DOCK4: variants seen among roughly 807,000 people sequenced by gnomAD.
DOCK4 encodes dedicator of cytokinesis 4, also known as dedicator of cytokinesis protein 4.
In DOCK4, 97 loss-of-function variants were observed where a neutral mutation model predicts 268.1. The ratio of observed to expected loss-of-function variants is 0.36; its 90% CI spans 0.31 to 0.43. The LOEUF (loss-of-function observed/expected upper bound fraction) is 0.43. Among genes scored for constraint, DOCK4 ranks in the 20% least tolerant of loss-of-function variants. DOCK4 has a pLI of 1.00. For missense variants in DOCK4, 2,145 were observed against 2,455.7 expected (o/e 0.87, Z 2.67); for synonymous variants, 954 against 887.2 (o/e 1.08, Z -1.34).
chr7:111,739,102 G>T (rs547482522), intron 49 of DOCK4, 32 bp downstream of exon 49: 2 of 1,573,278 alleles, frequency 1.3e-6, no homozygotes, highest in Non-Finnish European at 1.7e-6. Context: ...AATTGTCCTT[G>T]TTTTCTAGTT....
chr7:112,115,826 A>C (rs575198055), intron 1 of DOCK4, among the ~76,000 whole-genome samples: 9 of 152,288 alleles, frequency 5.9e-5, no homozygotes, highest in African/African-American at 2.2e-4. Context: ...GACTACAGGT[A>C]CAAGTCAAAA....
At chr7:112,137,288 A>T (rs952367368) in intron 1 of DOCK4, among the ~76,000 whole-genome samples, 4 of 152,178 alleles carry the variant, frequency 2.6e-5, no homozygotes, top group Non-Finnish European at 4.4e-5. Context: ...CATCCCAGAG[A>T]GTTCCTCCAG....
At chr7:111,805,419 A>G (rs1354589263) in intron 30 of DOCK4, among the ~76,000 whole-genome samples, 2 of 152,240 alleles carry the variant, frequency 1.3e-5, no homozygotes, top group African/African-American at 4.8e-5. Flanking sequence ...ATAAAAGCAC[A>G]TTTAATACTA....
chr7:111,777,750 C>G (rs1798541508), intron 36 of DOCK4, among the ~76,000 whole-genome samples: 1 of 152,076 alleles, frequency 6.6e-6, no homozygotes, highest in Non-Finnish European at 1.5e-5. Context: ...CCATGCTGCT[C>G]TCATAATAGT....
chr7:111,948,444 C>G (rs1259890252), intron 8 of DOCK4, among the ~76,000 whole-genome samples: 3 of 152,194 alleles, frequency 2.0e-5, no homozygotes, highest in Non-Finnish European at 4.4e-5. Flanking sequence ...GCCTGACCCA[C>G]TCAGCAGTCA....
At chr7:111,867,667 G>A (rs1024692175) in intron 22 of DOCK4, among the ~76,000 whole-genome samples, 1 of 152,194 alleles carries the variant, frequency 6.6e-6, no homozygotes, top group South Asian at 2.1e-4. Flanking sequence ...ATTGGCCCTA[G>A]TGAAATTCCT....
intron 1 of DOCK4, among the ~76,000 whole-genome samples, chr7:112,105,058 G>C (rs1435397699): frequency 6.6e-6 from 1 of 152,092 alleles, no homozygotes; most frequent in Non-Finnish European, 1.5e-5. Flanking sequence ...GAAGATACTG[G>C]CCATTGTCAG....
At chr7:111,941,382 C>T (rs573507377) in intron 10 of DOCK4, among the ~76,000 whole-genome samples, 36 of 152,168 alleles carry the variant, frequency 2.4e-4, no homozygotes, top group Middle Eastern at 3.4e-3. Context: ...CCTACTTTTA[C>T]TTACACAACT....
chr7:111,855,464 G>A (rs1232661322), intron 23 of DOCK4, among the ~76,000 whole-genome samples: 1 of 152,280 alleles, frequency 6.6e-6, no homozygotes, highest in South Asian at 2.1e-4. Context: ...GAAAGACTAA[G>A]CTCAGAGAGA....
At chr7:111,884,268 G>C (rs1009135537) in intron 16 of DOCK4, among the ~76,000 whole-genome samples, 6 of 152,140 alleles carry the variant, frequency 3.9e-5, no homozygotes, top group African/African-American at 1.2e-4. Flanking sequence ...TGTGTGACAG[G>C]CACTGCTCTG....
intron 43 of DOCK4, among the ~76,000 whole-genome samples, chr7:111,746,919 G>A (rs796705028): frequency 1.3e-4 from 20 of 148,780 alleles, no homozygotes; most frequent in African/African-American, 5.0e-4. Context: ...GTGAGCCACT[G>A]AGCCCAGCCC....
At chr7:111,734,108 T>A (rs1267699180) in intron 51 of DOCK4, among the ~76,000 whole-genome samples, 1 of 152,098 alleles carries the variant, frequency 6.6e-6, no homozygotes, top group Non-Finnish European at 1.5e-5. Flanking sequence ...TGGCTAATTT[T>A]TGCATTTTTT....
At chr7:111,986,397 G>T (rs571506916) in intron 6 of DOCK4, among the ~76,000 whole-genome samples, 2 of 152,084 alleles carry the variant, frequency 1.3e-5, no homozygotes, top group Admixed American at 6.5e-5. Context: ...GCTTCCTGGC[G>T]TCCTGGTTAT....
rs10271865 is a variant in DOCK4 at position 111,847,497 on chromosome 7, T to C, written c.2474-371A>G. On this transcript the variant is annotated intron_variant, in intron 23 of 52. Transcript: ENST00000428084. Reference sequence around the variant, plus strand: ...TTGTTTTTTTTTTTCCCCCTTGATATAGTTTGGCTGTGTCCCCACCCAAAT... The same window carrying C: ...TTGTTTTTTTTTTTCCCCCTTGATACAGTTTGGCTGTGTCCCCACCCAAAT... 5.7e-3 allele frequency among the ~76,000 whole-genome samples: 872 copies of C among 152,102 alleles called. 12 individuals are homozygous for C. The highest frequency in any genetic ancestry group is 0.02 in the African/African-American group (825 of 41,510).
intron 1 of DOCK4, among the ~76,000 whole-genome samples, chr7:112,170,576 A>C (rs1404822483): frequency 6.6e-6 from 1 of 152,186 alleles, no homozygotes; most frequent in Non-Finnish European, 1.5e-5. Flanking sequence ...TTACATTCAT[A>C]ATGATGACCT....
At chr7:111,822,318 C>A in intron 27 of DOCK4, 44 bp downstream of exon 27, 1 of 1,516,378 alleles carries the variant, frequency 6.6e-7, no homozygotes, top group Non-Finnish European at 9.1e-7. Context: ...TCCCTTCTTC[C>A]TCTATACATT....
intron 1 of DOCK4, among the ~76,000 whole-genome samples, chr7:112,095,616 T>A (rs1419917208): frequency 6.6e-6 from 1 of 152,212 alleles, no homozygotes. Context: ...TAACTTGATA[T>A]ACTTGTATAA....
Position 111,728,591 on chromosome 7 carries a change from T to G in DOCK4, c.5611A>C (p.Thr1871Pro), listed in dbSNP as rs1585795342. 1 of 1,613,956 alleles carries G rather than the reference T, an allele frequency of 6.2e-7. No homozygotes were observed. Among genetic ancestry groups the G allele is most frequent in the South Asian group, 1.1e-5 (1 of 91,084 alleles). ...TTCACCTGATTTTCAAAGCCTGAGG[T>G]TTCCGACGTGCTGCACCGGCTGAGA... is the stretch of plus-strand genomic sequence containing the variant. ...SSLSRCSTSE[T>P]SGFENQVNEQ... The change falls in exon 53 of 53, where the codon ACC becomes CCC. Residue 1871 changes from threonine (T) to proline (P), a missense_variant. Thr to Pro is a conservative substitution (Grantham distance 38). This residue lies in a region of DOCK4 where 547 missense variants were observed against 469.0 expected (regional missense o/e 1.17). Coordinates refer to ENST00000428084, the MANE Select transcript of DOCK4 (RefSeq NM_001363540.2).
chr7:111,900,535 T>G lies in DOCK4; in HGVS notation c.1319A>C (p.Asp440Ala). The G allele has an allele frequency of 6.2e-7, 1 of 1,609,132 alleles. No homozygotes were observed. Among genetic ancestry groups the G allele is most frequent in the Non-Finnish European group, 8.5e-7 (1 of 1,177,928 alleles). The part of the protein sequence containing the change: ...IVDSSGQTLK[D>A]FISFGSGEPP... ...CTCCCCAGAGCCGAAGGAGATAAAA[T>G]CCTAACAAAGGGAAGAACACACAGG... The change falls in exon 15 of 53, where the codon GAT (aspartate) becomes GCT (alanine). Residue 440 changes from aspartate (D) to alanine (A), a missense_variant and splice_region_variant. Transcript: ENST00000428084.
Sources: gnomAD v4.1 joint callset for allele counts (sites outside exome capture counted in the v4.1 genomes callset) on GRCh38, gnomAD v4.1.1 for gene constraint, gnomAD v4.1.1 regional missense constraint, MANE v1.5 for transcripts, NCBI Gene and HGNC (gene_info 2026-07-23, HGNC 2026-07-21) for gene names.